MTERF4: variants seen among roughly 807,000 people sequenced by gnomAD.
The protein encoded by MTERF4 is mitochondrial transcription termination factor 4.
Under a neutral mutation model 22.5 loss-of-function variants are expected in MTERF4, and 17 were observed. The observed-to-expected ratio is 0.75, with a 90% CI of 0.52 to 1.13. The LOEUF is 1.13. Ranked by LOEUF, MTERF4 falls within the 50% of genes most tolerant of loss-of-function variation. MTERF4 has a pLI of 0.00. For synonymous variants in MTERF4, 165 were observed against 175.3 expected, an observed-to-expected ratio of 0.94 and a Z score of 0.47; for missense variants, 420 against 466.8, an observed-to-expected ratio of 0.90 and a Z score of 0.92.
chr2:241,051,702 C>A, the MTERF4 span: 52 of 1,374,210 alleles, frequency 3.8e-5, no homozygotes, highest in African/African-American at 5.4e-4. This position sits in a 1 kb window ranked among gnomAD's most constrained non-coding sequence, Gnocchi z 4.7. Flanking sequence ...GTGGGGCCAG[C>A]AGCCTGGCCC....
the MTERF4 span, chr2:241,048,430 CT>C: frequency 6.2e-7 from 1 of 1,604,774 alleles, no homozygotes; most frequent in Non-Finnish European, 8.5e-7. Context: ...TGGGCCTGGA[CT>C]GCAGGGAGAG....
the MTERF4 span, chr2:241,048,806 A>T: frequency 1.9e-5 from 28 of 1,496,956 alleles, no homozygotes; most frequent in Non-Finnish European, 2.4e-5. Context: ...GTCCCTGAGC[A>T]TCCTCATAAT....
downstream of MTERF4, among the ~76,000 whole-genome samples, chr2:241,068,702 C>A (rs1241691304): frequency 1.3e-5 from 2 of 152,176 alleles, no homozygotes; most frequent in Non-Finnish European, 2.9e-5. This position sits in a 1 kb window ranked among gnomAD's most constrained non-coding sequence, Gnocchi z 5.3. Context: ...GATCCTCCTC[C>A]GCTGCCCGGA....
chr2:241,044,390 C>A, the MTERF4 span, among the ~76,000 whole-genome samples: 38 of 152,298 alleles, frequency 2.5e-4, no homozygotes, highest in Middle Eastern at 6.8e-3. Flanking sequence ...TAAGCACAGT[C>A]TACCCCTGTC....
the MTERF4 span, chr2:241,051,627 C>T: frequency 2.5e-5 from 20 of 811,356 alleles, no homozygotes; most frequent in Non-Finnish European, 2.4e-5. This position sits in a 1 kb window ranked among gnomAD's most constrained non-coding sequence, Gnocchi z 4.7. Flanking sequence ...GGCCCCAGGG[C>T]TTCGTCGAGA....
rs546311211 is a variant in MTERF4, at chr2:241,075,845, A to C, written n.480-163T>G. 9.3e-4 allele frequency among the ~76,000 whole-genome samples: 137 copies of C among 146,966 alleles called. No individual in the cohort carries two copies. Among genetic ancestry groups the C allele is most frequent in the Non-Finnish European group, 1.6e-3 (104 of 66,886 alleles). On this transcript the variant is annotated intron_variant and non_coding_transcript_variant, in intron 4 of 4. Transcript: ENST00000464344. The surrounding 1 kb of genome is among the most constrained non-coding windows in gnomAD (Gnocchi z 4.8). ...TTTGCTTTTGACCTGTAGGTCATTAATCTGTTAGACTGTGTGTGTGTGAGA... is the reference window on the plus strand; with the variant it reads ...TTTGCTTTTGACCTGTAGGTCATTACTCTGTTAGACTGTGTGTGTGTGAGA...
At chr2:241,047,146 CAAAAAAA>C in the MTERF4 span, among the ~76,000 whole-genome samples, 80 of 68,178 alleles carry the variant, frequency 1.2e-3, no homozygotes, top group South Asian at 3.7e-3. Context: ...GAGACTCTGT[CAAAAAAA>C]AAAAAAAAAA....
At chr2:241,102,156 C>A in intron 1 of MTERF4, 97 bp downstream of exon 1, 2 of 1,523,174 alleles carry the variant, frequency 1.3e-6, no homozygotes, top group Non-Finnish European at 1.8e-6. Context: ...GAGGGCTCCA[C>A]GACCTGGCCG....
downstream of MTERF4, chr2:241,071,775 A>G: frequency 7.1e-7 from 1 of 1,412,054 alleles, no homozygotes; most frequent in Non-Finnish European, 9.4e-7. Flanking sequence ...GACTGTGGTG[A>G]CCCTCCCACC....
chr2:241,088,130 A>G (rs934148100), downstream of MTERF4: 7 of 532,760 alleles, frequency 1.3e-5, no homozygotes, highest in African/African-American at 1.2e-4. Context: ...TCTCTGACTC[A>G]CAGCCAGCCA....
At chr2:241,091,008 A>G (rs2063938025), downstream of MTERF4, among the ~76,000 whole-genome samples, 1 of 152,200 alleles carries the variant, frequency 6.6e-6, no homozygotes, top group Non-Finnish European at 1.5e-5. The surrounding 1 kb of genome is among the most constrained non-coding windows in gnomAD (Gnocchi z 4.1). Context: ...ATCCACAAAC[A>G]TAATTTGGGT....
the MTERF4 span, chr2:241,050,152 C>T: frequency 5.0e-6 from 3 of 596,210 alleles, no homozygotes; most frequent in Non-Finnish European, 6.1e-6. Flanking sequence ...TGGTCATTAC[C>T]TTGCTCTTCT....
downstream of MTERF4, chr2:241,082,261 C>T (rs372888758): frequency 1.3e-6 from 2 of 1,591,444 alleles, no homozygotes; most frequent in African/African-American, 2.7e-5. Flanking sequence ...TGAGCCACTG[C>T]CCTTCTTTGT....
chr2:241,048,308 C>T, the MTERF4 span: 5 of 1,592,408 alleles, frequency 3.1e-6, no homozygotes, highest in Admixed American at 9.0e-5. Flanking sequence ...TGCCGTCTTT[C>T]TTGCAGGAGA....
At chr2:241,063,712 C>G in the MTERF4 span, 1 of 1,531,230 alleles carries the variant, frequency 6.5e-7, no homozygotes, top group Non-Finnish European at 9.0e-7. Flanking sequence ...TAGGGGCTCC[C>G]TCCAGTGGGC....
At position 241,073,955 on chromosome 2, in the gene MTERF4, T is replaced by C; in HGVS notation, n.2207A>G. 1 of 156,460 alleles carries C rather than the reference T, an allele frequency of 6.4e-6. No individual in the cohort carries two copies. The highest frequency in any genetic ancestry group is 2.0e-4 in the South Asian group (1 of 5,004). The allele number at this position is 156,460 out of a possible 1,614,324, so 9.7% of individuals were successfully genotyped here. On this transcript the variant is annotated non_coding_transcript_exon_variant, in exon 5 of 5. Coordinates refer to the MTERF4 transcript ENST00000464344. The surrounding 1 kb of genome is among the most constrained non-coding windows in gnomAD (Gnocchi z 6.6). ...CCAGACGCTCACGAGGCAGTTCCCC[T>C]TCGGGCAGCACCAATACATGTGTGT...
intron 1 of MTERF4, 171 bp downstream of exon 1, chr2:241,102,082 C>T: frequency 3.6e-6 from 3 of 834,646 alleles, no homozygotes; most frequent in Non-Finnish European, 5.6e-6. Context: ...CTATATCCCA[C>T]AATAATTGAG....
downstream of MTERF4, chr2:241,067,931 G>A (rs1175215776): frequency 4.3e-6 from 7 of 1,611,100 alleles, no homozygotes; most frequent in Non-Finnish European, 4.2e-6. Context: ...CAGGAGTGTG[G>A]ACAGGTTCAC....
the MTERF4 span, among the ~76,000 whole-genome samples, chr2:241,066,834 G>A: frequency 7.9e-5 from 12 of 152,212 alleles, no homozygotes; most frequent in African/African-American, 2.9e-4. Context: ...TGAGGGACAG[G>A]AGAAGGCATT....
Sources: gnomAD v4.1 joint callset for allele counts (sites outside exome capture counted in the v4.1 genomes callset) on GRCh38, gnomAD v4.1.1 for gene constraint, Gnocchi (gnomAD v3.1) non-coding constraint, MANE v1.5 for transcripts, NCBI Gene and HGNC (gene_info 2026-07-23, HGNC 2026-07-21) for gene names.